The following PLEKHA4 variants were observed in gnomAD, a reference collection of about 807,000 sequenced individuals.
The protein encoded by PLEKHA4 is pleckstrin homology domain containing A4, also known as pleckstrin homology domain-containing family A member 4.
Under a neutral mutation model 94.7 loss-of-function variants are expected in PLEKHA4, and 73 were observed. The observed-to-expected ratio is 0.77, with a 90% confidence interval of 0.64 to 0.94. The LOEUF is 0.94. PLEKHA4 is among the 40% of genes least tolerant of loss of function. The pLI, the probability that PLEKHA4 is intolerant of heterozygous loss-of-function variation, is 0.00. For synonymous variants in PLEKHA4, 449 were observed against 437.1 expected (o/e 1.03, Z -0.34); for missense variants, 1,049 against 1,054.1 (o/e 1.00, Z 0.07).
In PLEKHA4 at chr19:48,867,808, G is replaced by A. The variant is rs1321908289; in HGVS notation, c.-6-182C>T. ...AAGAGTGGTGCCAAGAGAGGTAGGC[G>A]GCCCTGGCAGCTGCGGGAGGGGGCA... On this transcript the variant is annotated intron_variant, in intron 1 of 19. Coordinates refer to ENST00000263265, the MANE Select transcript of PLEKHA4 (RefSeq NM_020904.3). The surrounding 1 kb of genome is among the most constrained non-coding windows in gnomAD (Gnocchi z 4.7). Among the ~76,000 whole-genome samples the A allele has an allele frequency of 4.6e-5, 7 of 152,090 alleles. No individual in the cohort carries two copies. Among genetic ancestry groups the A allele is most frequent in the East Asian group, 3.9e-4 (2 of 5,190 alleles).
At chr19:48,845,273 G>A (rs886108623) in intron 16 of PLEKHA4, 97 bp downstream of exon 16, 11 of 1,167,412 alleles carry the variant, frequency 9.4e-6, no homozygotes, top group Middle Eastern at 2.9e-4. Context: ...TCTGCTCTGA[G>A]TATGGCCTTA....
In PLEKHA4 at chr19:48,867,229, T is replaced by C. The variant is rs960000267; in HGVS notation, c.84+308A>G. Among the ~76,000 whole-genome samples the C allele has an allele frequency of 6.8e-6, 1 of 147,680 alleles. No homozygotes were observed. The highest frequency in any genetic ancestry group is 1.5e-5 in the Non-Finnish European group (1 of 65,790). On this transcript the variant is annotated intron_variant, in intron 2 of 19. Coordinates refer to ENST00000263265, the MANE Select transcript of PLEKHA4 (RefSeq NM_020904.3). This position sits in a 1 kb window ranked among gnomAD's most constrained non-coding sequence, Gnocchi z 4.7. ...ATAGGACAGCAAGTTCTGGCACTAA[T>C]CAAGAGCAGCCACTACTTCTCAGAA...
chr19:48,861,401 G>T lies in PLEKHA4; in HGVS notation c.366C>A (p.Thr122=), dbSNP rs764835247. ...GCACAACATGGATGGATGGACTCAC[G>T]GTGAAGGTGAAGCGCCGCCCTCGGG... is the stretch of plus-strand genomic sequence containing the variant. ...GAPRGRRFTF[T]AEHPGMRTYV... The change falls in exon 5 of 20, where the codon ACC becomes ACA. Residue 122 remains threonine (T), a splice_region_variant and synonymous_variant. Coordinates refer to ENST00000263265, the MANE Select transcript of PLEKHA4 (RefSeq NM_020904.3). The T allele has an allele frequency of 5.0e-6, 8 of 1,612,256 alleles. No individual in the cohort carries two copies. In the South Asian group the frequency reaches 7.7e-5, roughly 15 times the overall value.
chr19:48,854,788 C>T (rs571039939), intron 9 of PLEKHA4, among the ~76,000 whole-genome samples: 3 of 138,074 alleles, frequency 2.2e-5, no homozygotes, highest in Non-Finnish European at 4.6e-5. Context: ...CAGCCTTGAA[C>T]TCTTAGGCTC....
chr19:48,845,162 A>G, intron 16 of PLEKHA4: 1 of 526,692 alleles, frequency 1.9e-6, no homozygotes, highest in East Asian at 3.2e-5. Context: ...GAGAAGAAAA[A>G]ATGAAGGCAC....
intron 16 of PLEKHA4, among the ~76,000 whole-genome samples, chr19:48,841,564 T>G (rs551080686): frequency 1.3e-5 from 2 of 151,076 alleles, no homozygotes; most frequent in African/African-American, 4.9e-5. Context: ...GAGGTGGAGG[T>G]TGCAGTGAGC....
intron 2 of PLEKHA4, among the ~76,000 whole-genome samples, chr19:48,865,811 G>A (rs1273603827): frequency 6.6e-6 from 1 of 151,890 alleles, no homozygotes; most frequent in Non-Finnish European, 1.5e-5. Context: ...TCAGGAGATC[G>A]AGACCATCCT....
intron 17 of PLEKHA4, 47 bp from the exon 18 acceptor site, chr19:48,839,310 G>T (rs752912414): frequency 2.9e-6 from 4 of 1,368,598 alleles, no homozygotes; most frequent in Non-Finnish European, 4.0e-6. Flanking sequence ...GAAGCCCCAC[G>T]TTCTCATTTT....
intron 17 of PLEKHA4, 141 bp downstream of exon 17, chr19:48,841,008 A>G: frequency 1.1e-6 from 1 of 872,510 alleles, no homozygotes; most frequent in East Asian, 2.8e-5. Context: ...ACTCTAGCAC[A>G]AGTACAAACT....
Position 48,867,999 on chromosome 19 carries a change from C to T in PLEKHA4, c.-7+84G>A, listed in dbSNP as rs1250096129. 1.0e-5 allele frequency: 2 copies of T among 200,440 alleles called. No homozygotes were observed. Among genetic ancestry groups the T allele is most frequent in the Non-Finnish European group, 2.1e-5 (2 of 97,334 alleles). The allele number at this position is 200,440 out of a possible 1,614,324, so 12.4% of individuals were successfully genotyped here. A position where few individuals can be genotyped will look rare whatever the true frequency, so the allele number is the denominator to read the frequency against. On this transcript the variant is annotated intron_variant, in intron 1 of 19. Coordinates refer to ENST00000263265, the MANE Select transcript of PLEKHA4 (RefSeq NM_020904.3). This position sits in a 1 kb window ranked among gnomAD's most constrained non-coding sequence, Gnocchi z 4.7. ...CCCTCCCACATGCACCCCCAAACCA[C>T]CCCTGCCAACTCCCCAAGCCAAGCC... is the stretch of plus-strand genomic sequence containing the variant.
At chr19:48,862,610 G>A (rs1384122329) in intron 3 of PLEKHA4, among the ~76,000 whole-genome samples, 1 of 150,366 alleles carries the variant, frequency 6.7e-6, no homozygotes, top group Non-Finnish European at 1.5e-5. Context: ...CCGGGTTCAC[G>A]CCATTCTCCT....
intron 3 of PLEKHA4, among the ~76,000 whole-genome samples, chr19:48,865,208 A>G (rs111743656): frequency 0.025 from 3,828 of 152,122 alleles, 152 homozygotes; most frequent in African/African-American, 0.087. Flanking sequence ...GCTAGGCATG[A>G]TGGTGCATGC....
At chr19:48,841,064 T>A in intron 17 of PLEKHA4, 85 bp downstream of exon 17, 1 of 1,316,216 alleles carries the variant, frequency 7.6e-7, no homozygotes, top group East Asian at 2.5e-5. Flanking sequence ...GTAGTGATTA[T>A]CTCCATTTTA....
chr19:48,844,804 CTTTTTTTTTTTTTTTT>C (rs149141709), intron 16 of PLEKHA4, among the ~76,000 whole-genome samples: 1 of 70,808 alleles, frequency 1.4e-5, no homozygotes, highest in South Asian at 7.1e-4. Flanking sequence ...CTCAGGGTGT[CTTTTTTTTTTTTTTTT>C]TTTTTTTTTT....
At chr19:48,856,935 AAAAGAAAAAG>A (rs1490924893) in intron 9 of PLEKHA4, among the ~76,000 whole-genome samples, 3 of 128,082 alleles carry the variant, frequency 2.3e-5, no homozygotes, top group South Asian at 2.4e-4. Context: ...GAAAGAAAAG[AAAAGAAAAAG>A]AAAGAGAAAG....
chr19:48,844,119 T>TA (rs1555780073), intron 16 of PLEKHA4, among the ~76,000 whole-genome samples: 1 of 134,892 alleles, frequency 7.4e-6, no homozygotes, highest in Admixed American at 7.8e-5. Context: ...CCTTATTTAT[T>TA]TTATTATTAT....
In PLEKHA4 at chr19:48,868,384, T is replaced by C. The variant is rs750028874; in HGVS notation, c.-308A>G. 6.6e-6 allele frequency: 1 copy of C among 152,082 alleles called. No homozygotes were observed. Among genetic ancestry groups the C allele is most frequent in the Non-Finnish European group, 1.5e-5 (1 of 68,062 alleles). The allele number at this position is 152,082 out of a possible 1,614,324, so 9.4% of individuals were successfully genotyped here. A position where few individuals can be genotyped will look rare whatever the true frequency, so the allele number is the denominator to read the frequency against. ...CCTCTCTCTCTCTCTCCAATCTTTC[T>C]GTTTCTGTCCAAATCTTTTATTGTC... On this transcript the variant is annotated 5_prime_UTR_variant, in exon 1 of 20. Coordinates refer to ENST00000263265, the MANE Select transcript of PLEKHA4 (RefSeq NM_020904.3).
chr19:48,855,189 G>T (rs895497598), intron 9 of PLEKHA4, among the ~76,000 whole-genome samples: 1 of 152,146 alleles, frequency 6.6e-6, no homozygotes, highest in Non-Finnish European at 1.5e-5. Flanking sequence ...GCAGGGCACA[G>T]TGACTCACTC....
chr19:48,858,640 A>AAAAAAAAAAAAAAAAAAAAAAAAAAAC (rs2036516145), intron 8 of PLEKHA4, among the ~76,000 whole-genome samples: 1 of 150,700 alleles, frequency 6.6e-6, no homozygotes, highest in Admixed American at 6.6e-5. Flanking sequence ...AAAAAAAAAA[A>AAAAAAAAAAAAAAAAAAAAAAAAAAAC]AAAAGCAATG....
Sources: allele counts gnomAD v4.1 joint callset (sites outside exome capture counted in the v4.1 genomes callset), GRCh38; gene constraint gnomAD v4.1.1; non-coding constraint Gnocchi (gnomAD v3.1); transcripts MANE v1.5; gene names NCBI Gene and HGNC (gene_info 2026-07-23, HGNC 2026-07-21).